The following PLB1 variants were observed in gnomAD, a reference collection of about 807,000 sequenced individuals.
PLB1 encodes the protein phospholipase B1, also known as phospholipase B1, membrane-associated.
A neutral mutation model predicts 227.4 loss-of-function variants in PLB1; 242 were observed. The observed-to-expected ratio is 1.06, with a 90% confidence interval of 0.96 to 1.18. The LOEUF (loss-of-function observed/expected upper bound fraction) is 1.18. Ranked by LOEUF, PLB1 falls within the 50% of genes most tolerant of loss-of-function variation. PLB1 has a pLI of 0.00. For missense variants in PLB1, 1,858 were observed against 1,816.3 expected, an observed-to-expected ratio of 1.02 and a Z score of -0.42; for synonymous variants, 757 against 682.2, an observed-to-expected ratio of 1.11 and a Z score of -1.71.
chr2:28,549,728 A>G (rs1673921191), intron 15 of PLB1, among the ~76,000 whole-genome samples: 1 of 152,186 alleles, frequency 6.6e-6, no homozygotes, highest in Non-Finnish European at 1.5e-5. Context: ...CAAGAAGCTT[A>G]AAATTAGATT....
At chr2:28,558,170 G>C (rs1675450313) in intron 17 of PLB1, among the ~76,000 whole-genome samples, 1 of 152,022 alleles carries the variant, frequency 6.6e-6, no homozygotes, top group African/African-American at 2.4e-5. Context: ...GTGTGTGTGT[G>C]TGTGTGTGTG....
chr2:28,592,672 A>G lies in PLB1; in HGVS notation c.2200A>G (p.Arg734Gly), dbSNP rs763251824. ...ACTTGTCTTTCCAGTGCATGCCCTG[A>G]GACCTGCAGACATCCAAGTTGTGGC... is the stretch of plus-strand genomic sequence containing the variant. ...ALHPTSVHAL[R>G]PADIQVVAAL... is the part of the protein sequence containing the mutation. Residue 734 changes from arginine (R) to glycine (G), a missense_variant, in exon 32 of 58, where the codon AGA becomes GGA. Coordinates refer to ENST00000327757, the MANE Select transcript of PLB1 (RefSeq NM_153021.5). 1.2e-6 allele frequency: 2 copies of G among 1,614,152 alleles called. No homozygotes were observed.
At chr2:28,634,423 A>G (rs1036345922) in intron 56 of PLB1, among the ~76,000 whole-genome samples, 1 of 151,960 alleles carries the variant, frequency 6.6e-6, no homozygotes, top group Non-Finnish European at 1.5e-5. Context: ...TTCCCCTGAG[A>G]CCTCAGGGGA....
rs749037355 is a variant in PLB1 at position 28,620,247 on chromosome 2, T to C, written c.3316-18T>C. ...CAGCCTATACCCCAGCCCTGAACTT[T>C]CTTTTTGCTTTTTACAGACAGCAGT... On this transcript the variant is annotated intron_variant, in intron 46 of 57. Transcript: ENST00000327757. The C allele has an allele frequency of 3.8e-6, 6 of 1,577,004 alleles. No homozygotes were observed. The highest frequency in any genetic ancestry group is 3.5e-5 in the Admixed American group (2 of 56,340).
chr2:28,641,547 G>A (rs992030083), intron 57 of PLB1, among the ~76,000 whole-genome samples: 2 of 152,318 alleles, frequency 1.3e-5, no homozygotes, highest in East Asian at 1.9e-4. Flanking sequence ...GGCAGAGGTT[G>A]CAGTGAGCTG....
intron 57 of PLB1, 33 bp downstream of exon 57, chr2:28,641,034 C>A: frequency 6.3e-7 from 1 of 1,597,686 alleles, no homozygotes; most frequent in South Asian, 1.1e-5. Flanking sequence ...CCAGGTGGAA[C>A]AGATGCCTGG....
At chr2:28,549,012 T>C in intron 15 of PLB1, 81 bp downstream of exon 15, 1 of 1,280,952 alleles carries the variant, frequency 7.8e-7, no homozygotes. Context: ...TGCTGTGAAG[T>C]GGGTCTTACC....
intron 17 of PLB1, among the ~76,000 whole-genome samples, chr2:28,554,489 C>CCTTTTT (rs1674727736): frequency 1.2e-5 from 1 of 85,468 alleles, no homozygotes; most frequent in African/African-American, 5.3e-5. Flanking sequence ...CCACACCTGC[C>CCTTTTT]TTTTTTTTTT....
chr2:28,498,166 A>G (rs2148150328), intron 1 of PLB1, among the ~76,000 whole-genome samples: 1 of 151,880 alleles, frequency 6.6e-6, no homozygotes, highest in East Asian at 1.9e-4. Context: ...GTTTAAGTCA[A>G]TCACCCTACA....
At position 28,516,888 on chromosome 2, in the gene PLB1, G is replaced by C. The variant is rs1165049941; in HGVS notation, c.117+19G>C. 6.2e-7 allele frequency: 1 copy of C among 1,610,840 alleles called. No homozygotes were observed. The highest frequency in any genetic ancestry group is 2.2e-5 in the East Asian group (1 of 44,856). On this transcript the variant is annotated intron_variant, in intron 2 of 57. Transcript: ENST00000327757. ...GCCAGAGGTAAGGGCTTTGGCTGGT[G>C]GGAGGTGCGTGTGTATGGAGGGGAG...
intron 31 of PLB1, among the ~76,000 whole-genome samples, chr2:28,592,289 T>C (rs555728758): frequency 6.6e-6 from 1 of 152,288 alleles, no homozygotes; most frequent in South Asian, 2.1e-4. Flanking sequence ...CCCGTCTAGT[T>C]GTGCACTCAG....
At chr2:28,550,988 T>G (rs1674156790) in intron 16 of PLB1, among the ~76,000 whole-genome samples, 1 of 152,092 alleles carries the variant, frequency 6.6e-6, no homozygotes, top group African/African-American at 2.4e-5. Context: ...GAAGCAGGTC[T>G]CCCCCACAGT....
intron 9 of PLB1, among the ~76,000 whole-genome samples, chr2:28,536,464 T>C (rs1671691963): frequency 6.6e-6 from 1 of 152,218 alleles, no homozygotes; most frequent in African/African-American, 2.4e-5. Context: ...ATTTATCCCT[T>C]GTAAACGTCT....
In PLB1 at chr2:28,642,862, G is replaced by C. The variant is rs1007999054; in HGVS notation, c.4178G>C (p.Ser1393Thr). 1 of 1,596,296 alleles carries C rather than the reference G, an allele frequency of 6.3e-7. No individual in the cohort carries two copies. Among genetic ancestry groups the C allele is most frequent in the Non-Finnish European group, 8.5e-7 (1 of 1,170,406 alleles). Reference protein sequence around the residue: ...RAKLKCPSPESPYLYTLRNSR... With the variant: ...RAKLKCPSPETPYLYTLRNSR... ...ACCCCCGCTCCTCCTCCACAGGAGA[G>C]CCCTTACCTCTACACCCTGCGGAAC... Residue 1393 changes from serine (S) to threonine (T), a missense_variant, in exon 58 of 58, where the codon AGC becomes ACC. Ser to Thr is a moderately conservative substitution (Grantham distance 58). Coordinates refer to ENST00000327757, the MANE Select transcript of PLB1 (RefSeq NM_153021.5).
At chr2:28,620,365 G>A in intron 47 of PLB1, 33 bp downstream of exon 47, 4 of 1,548,416 alleles carry the variant, frequency 2.6e-6, no homozygotes, top group South Asian at 1.2e-5. Context: ...CTCTATTGAT[G>A]ATGCTCTCTC....
At chr2:28,496,665 T>A (rs1666483661) in intron 1 of PLB1, among the ~76,000 whole-genome samples, 1 of 152,226 alleles carries the variant, frequency 6.6e-6, no homozygotes, top group South Asian at 2.1e-4. Flanking sequence ...TTAGTGCTGC[T>A]AAACAGAGTG....
At chr2:28,566,159 T>A (rs929048899) in intron 19 of PLB1, among the ~76,000 whole-genome samples, 2 of 152,150 alleles carry the variant, frequency 1.3e-5, no homozygotes, top group Non-Finnish European at 2.9e-5. Flanking sequence ...GCCGAGTCTC[T>A]GGCATCCTTC....
intron 17 of PLB1, among the ~76,000 whole-genome samples, chr2:28,559,911 C>T (rs529473591): frequency 2.0e-5 from 3 of 152,094 alleles, no homozygotes; most frequent in Non-Finnish European, 2.9e-5. Context: ...ACCTCCATGC[C>T]TGGCTAATTT....
chr2:28,643,423 C>T lies in PLB1; in HGVS notation c.*362C>T, dbSNP rs1690180172. 5.2e-6 allele frequency: 1 copy of T among 192,094 alleles called. No individual in the cohort carries two copies. The highest frequency in any genetic ancestry group is 1.1e-5 in the Non-Finnish European group (1 of 94,546). The allele number at this position is 192,094 out of a possible 1,614,324, so 11.9% of individuals were successfully genotyped here. On this transcript the variant is annotated 3_prime_UTR_variant, in exon 58 of 58. Transcript: ENST00000327757. Reference sequence around the variant, plus strand: ...TGCCACCACGAGCATATCCTCAAGTCACCAAACCCACTATTTCAAAGGCAG... The same window carrying T: ...TGCCACCACGAGCATATCCTCAAGTTACCAAACCCACTATTTCAAAGGCAG...
Sources: gnomAD v4.1 joint callset for allele counts (sites outside exome capture counted in the v4.1 genomes callset) on GRCh38, gnomAD v4.1.1 for gene constraint, MANE v1.5 for transcripts, NCBI Gene and HGNC (gene_info 2026-07-23, HGNC 2026-07-21) for gene names.